Variants in CSNK2A2 observed in about 807,000 individuals in gnomAD.
CSNK2A2 encodes the protein casein kinase II subunit alpha'.
CSNK2A2 carries 8 observed loss-of-function variants against 54.0 expected under a neutral mutation model. The ratio of observed to expected loss-of-function variants is 0.15; its 90% CI spans 0.09 to 0.27. The LOEUF (loss-of-function observed/expected upper bound fraction) is 0.27. CSNK2A2 is among the 10% of genes least tolerant of loss of function. CSNK2A2 has a pLI of 1.00. For synonymous variants in CSNK2A2, 141 were observed against 153.9 expected (o/e 0.92, Z 0.62); for missense variants, 242 against 439.4 (o/e 0.55, Z 4.02).
intron 2 of CSNK2A2, among the ~76,000 whole-genome samples, chr16:58,191,194 G>A (rs547226273): frequency 6.6e-6 from 1 of 152,276 alleles, no homozygotes; most frequent in African/African-American, 2.4e-5. Flanking sequence ...CAGTAAGACG[G>A]TTGTTGCCAG....
chr16:58,164,177 A>G, intron 10 of CSNK2A2, 30 bp from the exon 11 acceptor site: 2 of 1,609,378 alleles, frequency 1.2e-6, no homozygotes, highest in South Asian at 1.1e-5. Context: ...AAGTCAGGCA[A>G]TCAGGGTGGT....
chr16:58,176,276 C>T (rs541605956), intron 4 of CSNK2A2, among the ~76,000 whole-genome samples: 2 of 152,152 alleles, frequency 1.3e-5, no homozygotes, highest in African/African-American at 4.8e-5. Flanking sequence ...CTGTGGAAGG[C>T]CTCCCTCATC....
chr16:58,185,717 A>G (rs1213317743), intron 3 of CSNK2A2, among the ~76,000 whole-genome samples: 1 of 152,210 alleles, frequency 6.6e-6, no homozygotes, highest in Non-Finnish European at 1.5e-5. Flanking sequence ...GCATACAACC[A>G]TCCCTTCCCT....
intron 2 of CSNK2A2, among the ~76,000 whole-genome samples, chr16:58,193,250 A>G (rs1484828870): frequency 6.6e-6 from 1 of 152,226 alleles, no homozygotes; most frequent in East Asian, 1.9e-4. Context: ...TTCTGATATA[A>G]TATAAAGATC....
At chr16:58,171,219 T>C (rs1203600049) in intron 5 of CSNK2A2, among the ~76,000 whole-genome samples, 2 of 151,906 alleles carry the variant, frequency 1.3e-5, no homozygotes, top group African/African-American at 4.8e-5. Context: ...GAACCAAGAG[T>C]ATACAATATA....
intron 2 of CSNK2A2, among the ~76,000 whole-genome samples, chr16:58,189,131 G>T (rs1296379846): frequency 6.6e-6 from 1 of 151,710 alleles, no homozygotes; most frequent in African/African-American, 2.4e-5. Flanking sequence ...TAATTTTTTT[G>T]TATTTTTAGT....
intron 11 of CSNK2A2, chr16:58,160,049 A>G (rs1272181476): frequency 6.6e-6 from 1 of 152,168 alleles, no homozygotes; most frequent in Non-Finnish European, 1.5e-5. Context: ...TACAATACCT[A>G]GTTGGGGGTG....
At chr16:58,184,772 C>T (rs1962146920) in intron 3 of CSNK2A2, among the ~76,000 whole-genome samples, 3 of 152,162 alleles carry the variant, frequency 2.0e-5, no homozygotes, top group African/African-American at 7.2e-5. Flanking sequence ...ACATTTTCAT[C>T]TTAGTTTAGC....
intron 11 of CSNK2A2, chr16:58,159,995 A>T (rs148426854): frequency 4.4e-4 from 67 of 152,348 alleles, no homozygotes; most frequent in African/African-American, 1.5e-3. Context: ...CAAAACAAAA[A>T]TATGCATCAC....
Position 58,165,695 on chromosome 16 carries a change from G to A in CSNK2A2, c.841C>T (p.Arg281Cys), listed in dbSNP as rs1374223667. Reference protein sequence around the residue: ...NDILGQHSRKRWENFIHSENR... With the variant: ...NDILGQHSRKCWENFIHSENR... ...TCACTATGGATAAAGTTTTCCCAGC[G>A]TTTCCGTGAATGTCTGAGAAGAAAA... Residue 281 changes from arginine (R) to cysteine (C), a missense_variant, in exon 10 of 12, where the codon CGC (arginine) becomes TGC (cysteine). Arg to Cys is a radical substitution (Grantham distance 180). Transcript: ENST00000262506. 2 of 1,607,848 alleles carry A rather than the reference G, an allele frequency of 1.2e-6. No individual in the cohort carries two copies. The highest frequency in any genetic ancestry group is 1.7e-6 in the Non-Finnish European group (2 of 1,178,344).
chr16:58,196,671 T>C, intron 2 of CSNK2A2, 62 bp downstream of exon 2: 2 of 966,218 alleles, frequency 2.1e-6, no homozygotes, highest in Non-Finnish European at 3.4e-6. Flanking sequence ...GTGACTGGGG[T>C]ACCTTACAAA....
chr16:58,168,173 A>G, intron 6 of CSNK2A2, among the ~76,000 whole-genome samples: 1 of 152,100 alleles, frequency 6.6e-6, no homozygotes, highest in South Asian at 2.1e-4. Context: ...ATCCCACTCC[A>G]GGACTGAAGC....
Position 58,166,672 on chromosome 16 carries a change from C to A in CSNK2A2, c.739G>T (p.Ala247Ser). 6.2e-7 allele frequency: 1 copy of A among 1,613,254 alleles called. No homozygotes were observed. The highest frequency in any genetic ancestry group is 8.5e-7 in the Non-Finnish European group (1 of 1,179,472). ...QDNYDQLVRI[A>S]KVLGTEELYG... is the part of the protein sequence containing the mutation. ...AGTTCTTCTGTACCCAGAACCTTGG[C>A]AATGCGAACAAGCTGAAACACAAAA... Residue 247 changes from alanine (A) to serine (S), a missense_variant, in exon 9 of 12, where the codon GCC becomes TCC. Ala to Ser is a moderately conservative substitution (Grantham distance 99). Coordinates refer to ENST00000262506, the MANE Select transcript of CSNK2A2 (RefSeq NM_001896.4).
chr16:58,194,160 T>C (rs16959786), intron 2 of CSNK2A2, among the ~76,000 whole-genome samples: 7,097 of 152,278 alleles, frequency 0.047, 232 homozygotes, highest in South Asian at 0.2. Flanking sequence ...AATACAATCC[T>C]GCAGCTAAAA....
rs540513459 is a variant in CSNK2A2 at position 58,170,340 on chromosome 16, C to G, written c.430-1647G>C. On this transcript the variant is annotated intron_variant, in intron 5 of 11. Transcript: ENST00000262506. Reference sequence around the variant, plus strand: ...TTTCTGTACATTCATAATATGAAATCATACATGTATAGTGCTTTGTCTACC... The same window carrying G: ...TTTCTGTACATTCATAATATGAAATGATACATGTATAGTGCTTTGTCTACC... Among the ~76,000 whole-genome samples the G allele has an allele frequency of 2.0e-5, 3 of 152,014 alleles. No individual in the cohort carries two copies. The East Asian group carries it at 5.8e-4, about 29-fold the overall frequency.
At chr16:58,185,093 C>T (rs990321144) in intron 3 of CSNK2A2, among the ~76,000 whole-genome samples, 19 of 151,700 alleles carry the variant, frequency 1.3e-4, no homozygotes, top group South Asian at 2.1e-4. Context: ...AGTAAAATAA[C>T]GCTAATTGGC....
Position 58,184,284 on chromosome 16 carries a change from T to G in CSNK2A2, c.345A>C (p.Glu115Asp), listed in dbSNP as rs138081655. The G allele has an allele frequency of 3.1e-6, 5 of 1,604,384 alleles. No homozygotes were observed. In the East Asian group the frequency reaches 6.7e-5, roughly 22 times the overall value. The change falls in exon 4 of 12, where the codon GAA becomes GAC. Residue 115 changes from glutamate to aspartate, a missense_variant. Transcript: ENST00000262506. Reference sequence around the variant, plus strand: ...CCTTAAAATCTGTATTATTGATATATTCAAATACCAAAGCTGGTGTCTTTG... The same window carrying G: ...CCTTAAAATCTGTATTATTGATATAGTCAAATACCAAAGCTGGTGTCTTTG... ...PVSKTPALVF[E>D]YINNTDFKQL...
intron 5 of CSNK2A2, among the ~76,000 whole-genome samples, chr16:58,170,102 T>C (rs1467380470): frequency 6.6e-6 from 1 of 152,196 alleles, no homozygotes; most frequent in African/African-American, 2.4e-5. Context: ...TTTAAGATGA[T>C]TGATATGCAG....
chr16:58,163,336 A>T (rs1484898979), intron 11 of CSNK2A2: 2 of 151,930 alleles, frequency 1.3e-5, no homozygotes, highest in African/African-American at 4.8e-5. Flanking sequence ...AACAAAGGTT[A>T]TAGTGAGCTC....
Sources: gnomAD v4.1 joint callset for allele counts (sites outside exome capture counted in the v4.1 genomes callset) on GRCh38, gnomAD v4.1.1 for gene constraint, MANE v1.5 for transcripts, NCBI Gene and HGNC (gene_info 2026-07-23, HGNC 2026-07-21) for gene names.